Variants in IL12RB2 observed in about 807,000 individuals in gnomAD.
IL12RB2 encodes interleukin-12 receptor subunit beta-2.
IL12RB2 carries 82 observed loss-of-function variants against 89.4 expected under a neutral mutation model. That is an observed-to-expected ratio of 0.92 (90% CI 0.77 to 1.10). IL12RB2 has a LOEUF of 1.10. Among genes scored for constraint, IL12RB2 ranks in the 50% least tolerant of loss-of-function variants. IL12RB2 has a pLI of 0.00. For synonymous variants in IL12RB2, 368 were observed against 370.1 expected (o/e 0.99, Z 0.07); for missense variants, 963 against 1,031.9 (o/e 0.93, Z 0.92).
intron 9 of IL12RB2, among the ~76,000 whole-genome samples, chr1:67,349,761 C>A (rs1660622741): frequency 6.6e-6 from 1 of 152,180 alleles, no homozygotes; most frequent in Admixed American, 6.5e-5. Context: ...GCAAGAAATG[C>A]AGCTGTGGGG....
chr1:67,353,318 C>T (rs1371509221), intron 10 of IL12RB2, among the ~76,000 whole-genome samples: 5 of 152,148 alleles, frequency 3.3e-5, no homozygotes, highest in Non-Finnish European at 5.9e-5. Context: ...CCTCTAATCC[C>T]AGCACTTTGG....
intron 11 of IL12RB2, among the ~76,000 whole-genome samples, chr1:67,371,416 GAA>G (rs11300482): frequency 3.4e-5 from 5 of 145,004 alleles, no homozygotes; most frequent in Non-Finnish European, 4.6e-5. Flanking sequence ...TATTCTTCCT[GAA>G]AAAAAAAAAA....
chr1:67,375,832 CA>C (rs1467345041), intron 13 of IL12RB2, among the ~76,000 whole-genome samples: 1 of 151,584 alleles, frequency 6.6e-6, no homozygotes, highest in East Asian at 1.9e-4. Context: ...CCACGGCCAG[CA>C]CATTTTTCTT....
At chr1:67,316,157 G>C (rs17129760) in intron 2 of IL12RB2, among the ~76,000 whole-genome samples, 244 of 152,290 alleles carry the variant, frequency 1.6e-3, no homozygotes, top group African/African-American at 5.7e-3. Flanking sequence ...AGCTTGCAAG[G>C]TAATGGAGGA....
chr1:67,326,979 T>A (rs867699813), intron 5 of IL12RB2, 130 bp downstream of exon 5: 20 of 457,058 alleles, frequency 4.4e-5, no homozygotes, highest in Non-Finnish European at 4.8e-5. Flanking sequence ...TTATTTATTT[T>A]GAGACGGAAT....
chr1:67,368,087 G>T, intron 11 of IL12RB2, 62 bp downstream of exon 11: 4 of 1,066,536 alleles, frequency 3.8e-6, no homozygotes, highest in South Asian at 1.3e-5. Context: ...TGGGGAAACT[G>T]CAGGCAAGAG....
At chr1:67,344,909 A>G (rs573917910) in intron 9 of IL12RB2, among the ~76,000 whole-genome samples, 2 of 151,954 alleles carry the variant, frequency 1.3e-5, no homozygotes, top group African/African-American at 2.4e-5. Context: ...CGGACTGGGC[A>G]TGGTGGCTCA....
rs201021369 is a variant in IL12RB2, at chr1:67,379,206, A to T, written c.1718-780A>T. Among the ~76,000 whole-genome samples, 29 of 150,752 alleles carry T rather than the reference A, an allele frequency of 1.9e-4. No individual in the cohort carries two copies. The East Asian group carries it at 3.1e-3, about 16-fold the overall frequency. ...AGCAAGACTCCATCTCAAAAAAAAT[A>T]CAAAATACAAAATTTCATAACTGGC... On this transcript the variant is annotated intron_variant, in intron 13 of 16. Transcript: ENST00000674203.
intron 10 of IL12RB2, among the ~76,000 whole-genome samples, chr1:67,351,515 AGTCGGGG>A (rs1660838132): frequency 6.6e-6 from 1 of 152,212 alleles, no homozygotes; most frequent in African/African-American, 2.4e-5. Context: ...TTAAAACCAA[AGTCGGGG>A]ATGGTGGTGT....
intron 14 of IL12RB2, among the ~76,000 whole-genome samples, chr1:67,382,199 T>C (rs992685130): frequency 6.6e-6 from 1 of 152,108 alleles, no homozygotes; most frequent in Non-Finnish European, 1.5e-5. Flanking sequence ...CTGGGCAACA[T>C]AGCAAGACCC....
At chr1:67,371,846 C>T (rs1040416090) in intron 11 of IL12RB2, among the ~76,000 whole-genome samples, 1 of 152,122 alleles carries the variant, frequency 6.6e-6, no homozygotes, top group Non-Finnish European at 1.5e-5. Flanking sequence ...AACAAGGGGT[C>T]GGATTGCACC....
At position 67,338,609 on chromosome 1, in the gene IL12RB2, T is replaced by G. The variant is rs1659150409; in HGVS notation, c.959-15T>G. On this transcript the variant is annotated splice_polypyrimidine_tract_variant and intron_variant, in intron 8 of 16. Coordinates refer to ENST00000674203, the MANE Select transcript of IL12RB2 (RefSeq NM_001374259.2). Reference sequence around the variant, plus strand: ...AAATATATGAAAATATGTCTTTTTTTCTCCTTTGAAACAGAGCCTACTGGG... The same window carrying G: ...AAATATATGAAAATATGTCTTTTTTGCTCCTTTGAAACAGAGCCTACTGGG... 7.7e-7 allele frequency: 1 copy of G among 1,295,812 alleles called. No homozygotes were observed. The highest frequency in any genetic ancestry group is 1.1e-6 in the Non-Finnish European group (1 of 889,100). The allele number at this position is 1,295,812 out of a possible 1,614,324, so 80.3% of individuals were successfully genotyped here.
At chr1:67,369,946 C>T (rs1052293529) in intron 11 of IL12RB2, among the ~76,000 whole-genome samples, 13 of 147,764 alleles carry the variant, frequency 8.8e-5, no homozygotes, top group Non-Finnish European at 1.6e-4. Flanking sequence ...TGCTTGAACC[C>T]GGGAAGCGGA....
rs752262539 is a variant in IL12RB2, at chr1:67,326,831, A to G, written c.461A>G (p.Tyr154Cys). Residue 154 changes from tyrosine (Y) to cysteine (C), a missense_variant, in exon 5 of 17, where the codon TAC becomes TGC. Transcript: ENST00000674203. ...TWERGRDTHL[Y>C]TEYTLQLSGP... Reference sequence around the variant, plus strand: ...GAAAGAGGACGAGACACCCACTTATACACTGAGTATACTCTACAGTGAGTG... The same window carrying G: ...GAAAGAGGACGAGACACCCACTTATGCACTGAGTATACTCTACAGTGAGTG... 1 of 1,613,384 alleles carries G rather than the reference A, an allele frequency of 6.2e-7. No individual in the cohort carries two copies. Among genetic ancestry groups the G allele is most frequent in the Non-Finnish European group, 8.5e-7 (1 of 1,179,490 alleles).
intron 4 of IL12RB2, among the ~76,000 whole-genome samples, chr1:67,325,035 T>C (rs143847114): frequency 6.6e-5 from 10 of 152,382 alleles, no homozygotes; most frequent in Middle Eastern, 3.4e-3. Context: ...ACCTTCAACA[T>C]GTTACCTAAC....
chr1:67,338,392 T>TC (rs1303853594), intron 8 of IL12RB2, among the ~76,000 whole-genome samples: 2 of 106,936 alleles, frequency 1.9e-5, no homozygotes, highest in African/African-American at 5.8e-5. Flanking sequence ...AGAAACAAAT[T>TC]CCTCATCATT....
At chr1:67,386,941 T>C (rs1557476620) in intron 15 of IL12RB2, among the ~76,000 whole-genome samples, 3 of 129,354 alleles carry the variant, frequency 2.3e-5, no homozygotes, top group East Asian at 4.5e-4. Context: ...CAAAAAAATT[T>C]TTTTGAGACA....
chr1:67,307,441 T>C (rs1654406295), upstream of IL12RB2: 1 of 152,416 alleles, frequency 6.6e-6, no homozygotes, highest in Non-Finnish European at 1.5e-5. Flanking sequence ...TCTATGGCTG[T>C]GAACGCTGAG....
At chr1:67,367,462 GGGAA>G (rs55681603) in intron 10 of IL12RB2, among the ~76,000 whole-genome samples, 75 of 127,412 alleles carry the variant, frequency 5.9e-4, no homozygotes, top group Middle Eastern at 3.8e-3. Flanking sequence ...AAAGGAACGA[GGGAA>G]GGAAGGAAGG....
Sources: gnomAD v4.1 joint callset for allele counts (sites outside exome capture counted in the v4.1 genomes callset) on GRCh38, gnomAD v4.1.1 for gene constraint, MANE v1.5 for transcripts, NCBI Gene and HGNC (gene_info 2026-07-23, HGNC 2026-07-21) for gene names.